The following SUPT3H variants were observed in gnomAD, a reference collection of about 807,000 sequenced individuals.
The protein encoded by SUPT3H is SPT3 homolog, SAGA and STAGA complex component, also known as transcription initiation protein SPT3 homolog.
SUPT3H carries 44 observed loss-of-function variants against 44.3 expected under a neutral mutation model. The ratio of observed to expected loss-of-function variants is 0.99; its 90% CI spans 0.78 to 1.28. The LOEUF (loss-of-function observed/expected upper bound fraction) is 1.28, where lower values mean the gene tolerates loss of function less well. SUPT3H is among the 50% of genes most tolerant of loss of function. The probability of loss-of-function intolerance (pLI) is 0.00; values close to 1 mark genes in which losing one functional copy is unlikely to be tolerated. For synonymous variants in SUPT3H, 124 were observed against 125.6 expected (o/e 0.99, Z 0.09); for missense variants, 380 against 387.1 (o/e 0.98, Z 0.15).
chr6:45,202,442 C>A (rs1762581662), intron 2 of SUPT3H, among the ~76,000 whole-genome samples: 2 of 151,996 alleles, frequency 1.3e-5, no homozygotes, highest in Non-Finnish European at 2.9e-5. Context: ...GTCAAAACTA[C>A]TGCAACAAAA....
intron 2 of SUPT3H, among the ~76,000 whole-genome samples, chr6:45,180,914 C>T (rs1442474499): frequency 6.7e-6 from 1 of 150,222 alleles, no homozygotes; most frequent in African/African-American, 2.4e-5. Flanking sequence ...AAGAAACTAC[C>T]ATCAGAGTGA....
At chr6:44,995,900 C>T (rs1781201875) in intron 6 of SUPT3H, among the ~76,000 whole-genome samples, 2 of 151,952 alleles carry the variant, frequency 1.3e-5, no homozygotes, top group South Asian at 4.1e-4. Flanking sequence ...TCATCCTCCA[C>T]TGTCAGCCAC....
intron 6 of SUPT3H, among the ~76,000 whole-genome samples, chr6:44,988,118 C>T (rs545260321): frequency 6.6e-6 from 1 of 152,138 alleles, no homozygotes; most frequent in South Asian, 2.1e-4. Context: ...TGGGGTTTTA[C>T]TAGGGCAGGC....
chr6:45,247,145 G>C (rs76075719), intron 2 of SUPT3H, among the ~76,000 whole-genome samples: 1 of 152,120 alleles, frequency 6.6e-6, no homozygotes, highest in Non-Finnish European at 1.5e-5. Context: ...TGATAATAAC[G>C]TTGACGAATT....
In SUPT3H at chr6:45,365,048, G is replaced by A. The variant is rs73735390; in HGVS notation, c.101+153C>T. ...TTTAACCAATTTTGCCTCTACATAT[G>A]GCAATTTAAAATGTTACCACAGTAT... On this transcript the variant is annotated intron_variant, in intron 2 of 10. Transcript: ENST00000371459. Among the ~76,000 whole-genome samples the A allele has an allele frequency of 7.2e-3, 1,095 of 152,076 alleles. 19 individuals carry two copies. The highest frequency in any genetic ancestry group is 0.025 in the African/African-American group (1,043 of 41,480).
intron 2 of SUPT3H, among the ~76,000 whole-genome samples, chr6:45,350,479 A>G (rs1219546961): frequency 6.6e-6 from 1 of 152,230 alleles, no homozygotes; most frequent in Non-Finnish European, 1.5e-5. Flanking sequence ...CAAAGGAAGC[A>G]GGGAATTGGT....
rs534656133 is a variant in SUPT3H at position 44,949,549 on chromosome 6, A to G, written c.801+3761T>C. 2.2e-4 allele frequency among the ~76,000 whole-genome samples: 34 copies of G among 152,146 alleles called. No homozygotes were observed. The South Asian group carries it at 2.3e-3, about 10-fold the overall frequency. ...GTGAAAAATATGTGTTTGATACAGG[A>G]CTGTTGTCACAAGATATGTAAAGAA... is the stretch of plus-strand genomic sequence containing the variant. On this transcript the variant is annotated intron_variant, in intron 9 of 10. Coordinates refer to ENST00000371459, the MANE Select transcript of SUPT3H (RefSeq NM_003599.4).
intron 2 of SUPT3H, among the ~76,000 whole-genome samples, chr6:45,331,747 G>A (rs1327588644): frequency 2.0e-5 from 3 of 151,872 alleles, no homozygotes; most frequent in South Asian, 2.1e-4. Context: ...TGATCAATCC[G>A]TCTCTATATC....
chr6:45,313,968 G>C lies in SUPT3H; in HGVS notation c.101+51233C>G, dbSNP rs889698067. Among the ~76,000 whole-genome samples, 4 of 152,032 alleles carry C rather than the reference G, an allele frequency of 2.6e-5. No individual in the cohort carries two copies. In the South Asian group the frequency reaches 6.2e-4, roughly 24 times the overall value. On this transcript the variant is annotated intron_variant, in intron 2 of 10. Coordinates refer to ENST00000371459, the MANE Select transcript of SUPT3H (RefSeq NM_003599.4). The stretch of plus-strand genomic sequence containing the variant: ...CATGATCAAGTGGGTTTCATACCAG[G>C]GATGCAGGGATGGTTTAACATATGC...
At chr6:45,176,159 G>C (rs1462332950) in intron 2 of SUPT3H, among the ~76,000 whole-genome samples, 2 of 151,856 alleles carry the variant, frequency 1.3e-5, no homozygotes, top group East Asian at 1.9e-4. Context: ...TTCCATCTGA[G>C]GTACTGGGTT....
chr6:45,021,441 T>C (rs1002325230), intron 3 of SUPT3H, among the ~76,000 whole-genome samples: 5 of 151,908 alleles, frequency 3.3e-5, no homozygotes, highest in African/African-American at 1.2e-4. Flanking sequence ...TTTTGATTAG[T>C]TGGAAGCAAC....
At chr6:45,030,539 C>T (rs554424221) in intron 3 of SUPT3H, among the ~76,000 whole-genome samples, 1 of 152,058 alleles carries the variant, frequency 6.6e-6, no homozygotes, top group African/African-American at 2.4e-5. Flanking sequence ...ACAAGATAGC[C>T]TGATTTCATT....
chr6:45,044,638 TA>T (rs1482930530), intron 3 of SUPT3H, among the ~76,000 whole-genome samples: 1 of 152,172 alleles, frequency 6.6e-6, no homozygotes, highest in African/African-American at 2.4e-5. Context: ...ATTTTACTGC[TA>T]AAAATAGCTT....
chr6:45,239,106 T>C (rs1209649802), intron 2 of SUPT3H, among the ~76,000 whole-genome samples: 1 of 152,230 alleles, frequency 6.6e-6, no homozygotes, highest in Non-Finnish European at 1.5e-5. Flanking sequence ...AGGTATTGAC[T>C]GCTTTTAATA....
intron 2 of SUPT3H, among the ~76,000 whole-genome samples, chr6:45,167,968 T>C (rs549564729): frequency 8.5e-5 from 13 of 152,086 alleles, no homozygotes; most frequent in African/African-American, 3.1e-4. Flanking sequence ...TGTGCTACCA[T>C]GTCTGGCTAA....
At chr6:45,373,293 T>C (rs544157310) in intron 1 of SUPT3H, among the ~76,000 whole-genome samples, 3 of 152,186 alleles carry the variant, frequency 2.0e-5, no homozygotes, top group Admixed American at 1.3e-4. Context: ...CCATTAACTA[T>C]GGGCCAGGTA....
At chr6:45,265,901 G>GT (rs1230307032) in intron 2 of SUPT3H, among the ~76,000 whole-genome samples, 1 of 151,980 alleles carries the variant, frequency 6.6e-6, no homozygotes, top group Non-Finnish European at 1.5e-5. Flanking sequence ...ATATCAAAAT[G>GT]TATCTACCAA....
chr6:45,181,780 TG>T (rs1481805382), intron 2 of SUPT3H, among the ~76,000 whole-genome samples: 1 of 151,472 alleles, frequency 6.6e-6, no homozygotes, highest in Non-Finnish European at 1.5e-5. Flanking sequence ...GACGAGTTAG[TG>T]GGTGCAGCGC....
intron 10 of SUPT3H, among the ~76,000 whole-genome samples, chr6:44,859,579 T>G (rs1002876776): frequency 1.3e-5 from 2 of 152,120 alleles, no homozygotes; most frequent in African/African-American, 4.8e-5. Flanking sequence ...AATAGAACCA[T>G]AGAAGGACAT....
Sources: allele counts gnomAD v4.1 joint callset (sites outside exome capture counted in the v4.1 genomes callset), GRCh38; gene constraint gnomAD v4.1.1; transcripts MANE v1.5; gene names NCBI Gene and HGNC (gene_info 2026-07-23, HGNC 2026-07-21).